The following ZNF487 variants were observed in gnomAD, a reference collection of about 807,000 sequenced individuals.
ZNF487 encodes zinc finger protein 487.
A neutral mutation model predicts 3.0 loss-of-function variants in ZNF487; 4 were observed. The observed-to-expected ratio is 1.35, with a 90% CI of 0.66 to 3.08. ZNF487 has a LOEUF of 3.08. Ranked by LOEUF, ZNF487 falls within the 30% of genes most tolerant of loss-of-function variation. The pLI is 0.01. For missense variants in ZNF487, 146 were observed against 98.7 expected (o/e 1.48, Z -2.03); for synonymous variants, 55 against 34.6 (o/e 1.59, Z -2.06).
In ZNF487 at chr10:43,451,609, A is replaced by G. The variant is rs184840806; in HGVS notation, c.-94+14347A>G. Among the ~76,000 whole-genome samples the G allele has an allele frequency of 2.5e-3, 376 of 151,328 alleles. 1 individual carries two copies. Among genetic ancestry groups the G allele is most frequent in the Non-Finnish European group, 4.0e-3 (270 of 67,922 alleles). On this transcript the variant is annotated intron_variant, in intron 1 of 3. Coordinates refer to ENST00000437590, the MANE Select transcript of ZNF487 (RefSeq NM_001355444.3). ...AGATGGAGTTTTGCTCTTGTTGCCC[A>G]GGCTGGAGTGCAATGGCGTGATCTC...
At chr10:43,443,579 G>T (rs1272042693) in intron 1 of ZNF487, among the ~76,000 whole-genome samples, 1 of 142,446 alleles carries the variant, frequency 7.0e-6, no homozygotes, top group Non-Finnish European at 1.5e-5. Context: ...TCACCATGTT[G>T]GCCAGGCTGG....
chr10:43,464,663 AT>A (rs1840592044), intron 1 of ZNF487, among the ~76,000 whole-genome samples: 1 of 152,208 alleles, frequency 6.6e-6, no homozygotes, highest in Non-Finnish European at 1.5e-5. Context: ...GACACAGCAC[AT>A]GTTTCAGAGA....
At chr10:43,479,984 CTTCT>C (rs71533064) in intron 3 of ZNF487, among the ~76,000 whole-genome samples, 957 of 57,808 alleles carry the variant, frequency 0.017, 9 homozygotes, top group Middle Eastern at 0.05. Context: ...TCTTTCTTTC[CTTCT>C]TTCTTTCTTT....
intron 1 of ZNF487, among the ~76,000 whole-genome samples, chr10:43,469,374 A>G (rs1840822523): frequency 6.6e-6 from 1 of 151,914 alleles, no homozygotes; most frequent in African/African-American, 2.4e-5. Context: ...TTGTATTTTT[A>G]TAGAGACGGG....
chr10:43,455,292 TGA>T (rs1412176083), intron 1 of ZNF487, among the ~76,000 whole-genome samples: 2 of 152,288 alleles, frequency 1.3e-5, no homozygotes, highest in East Asian at 3.9e-4. Context: ...TTTACAGGCG[TGA>T]GCCACGGCGC....
At chr10:43,489,228 A>T in the ZNF487 span, among the ~76,000 whole-genome samples, 10,957 of 152,202 alleles carry the variant, frequency 0.072, 547 homozygotes, top group East Asian at 0.2. Context: ...AGGAAGGAGG[A>T]TTGCTTGAGG....
chr10:43,498,115 T>TA, the ZNF487 span, among the ~76,000 whole-genome samples: 1 of 8,176 alleles, frequency 1.2e-4, no homozygotes, highest in Non-Finnish European at 2.1e-4. Flanking sequence ...TTTTTTTTTC[T>TA]TTTTTTTTTT....
At chr10:43,447,746 G>A (rs952316634) in intron 1 of ZNF487, among the ~76,000 whole-genome samples, 4 of 152,140 alleles carry the variant, frequency 2.6e-5, no homozygotes, top group African/African-American at 9.7e-5. Flanking sequence ...TCTCCATGCA[G>A]CTCTTTCTTC....
chr10:43,447,201 C>T (rs1439075536), intron 1 of ZNF487, among the ~76,000 whole-genome samples: 6 of 151,068 alleles, frequency 4.0e-5, no homozygotes, highest in Non-Finnish European at 8.8e-5. Context: ...AGGGGGAGAC[C>T]GTGGAAAGCG....
At chr10:43,442,238 A>AAACAAC (rs750766065) in intron 1 of ZNF487, among the ~76,000 whole-genome samples, 32 of 148,908 alleles carry the variant, frequency 2.1e-4, no homozygotes, top group Admixed American at 1.3e-3. Context: ...CCTGTCTCTA[A>AAACAAC]AACAACAACA....
chr10:43,512,208 T>C, the ZNF487 span, among the ~76,000 whole-genome samples: 2 of 152,220 alleles, frequency 1.3e-5, no homozygotes, highest in Non-Finnish European at 2.9e-5. Flanking sequence ...TCTTTTCCTC[T>C]GTTCACTGAT....
rs140713998 is a variant in ZNF487, at chr10:43,465,050, A to ACC, written c.-93-10664_-93-10663dup. ...GGGCGGCTGGCCGGGCGGGGGGCTG[A>ACC]CCCCCCCCACCTCCCTCCCGGGGCG... On this transcript the variant is annotated intron_variant, in intron 1 of 3. Transcript: ENST00000437590. Among the ~76,000 whole-genome samples, 108 of 113,288 alleles carry ACC rather than the reference A, an allele frequency of 9.5e-4. 1 individual carries two copies. Among genetic ancestry groups the ACC allele is most frequent in the African/African-American group, 1.5e-3 (37 of 25,068 alleles). 74.3% of individuals were successfully genotyped at this position (113,288 alleles called of 152,430 possible). A position where few individuals can be genotyped will look rare whatever the true frequency, so the allele number is the denominator to read the frequency against.
intron 1 of ZNF487, among the ~76,000 whole-genome samples, chr10:43,441,045 T>TTTTTTTTTTC (rs1839586944): frequency 2.6e-5 from 3 of 115,872 alleles, no homozygotes; most frequent in Non-Finnish European, 3.6e-5. Flanking sequence ...TTTTTTTTTT[T>TTTTTTTTTTC]TTTTTTTTTT....
chr10:43,443,443 G>A (rs1250127459), intron 1 of ZNF487, among the ~76,000 whole-genome samples: 3 of 142,856 alleles, frequency 2.1e-5, no homozygotes, highest in African/African-American at 5.2e-5. Context: ...GAGCAATCAC[G>A]GCTCACTGAA....
chr10:43,458,463 G>C (rs925738140), intron 1 of ZNF487, among the ~76,000 whole-genome samples: 3 of 152,170 alleles, frequency 2.0e-5, no homozygotes, highest in Non-Finnish European at 4.4e-5. Context: ...ATTTATCTTA[G>C]TGAGCAGAGG....
At chr10:43,455,630 C>T (rs1385888221) in intron 1 of ZNF487, among the ~76,000 whole-genome samples, 4 of 152,216 alleles carry the variant, frequency 2.6e-5, no homozygotes, top group East Asian at 1.9e-4. Context: ...GTCCGTGGCG[C>T]GGCGCGCTTG....
At chr10:43,459,534 G>T (rs1217077767) in intron 1 of ZNF487, among the ~76,000 whole-genome samples, 4 of 151,832 alleles carry the variant, frequency 2.6e-5, no homozygotes, top group Non-Finnish European at 5.9e-5. Context: ...CTGGCCCTTG[G>T]TTTGCTGAGA....
chr10:43,484,290 G>A (rs1717880020), downstream of ZNF487, among the ~76,000 whole-genome samples: 1 of 152,026 alleles, frequency 6.6e-6, no homozygotes, highest in African/African-American at 2.4e-5. Flanking sequence ...ATTATTACAG[G>A]TCACTCCTTT....
intron 1 of ZNF487, among the ~76,000 whole-genome samples, chr10:43,441,143 C>A (rs944582457): frequency 6.2e-5 from 9 of 145,260 alleles, no homozygotes; most frequent in African/African-American, 2.3e-4. Flanking sequence ...TCCACCTCAG[C>A]CTCTCAAAGT....
Sources: allele counts gnomAD v4.1 joint callset (sites outside exome capture counted in the v4.1 genomes callset), GRCh38; gene constraint gnomAD v4.1.1; transcripts MANE v1.5; gene names NCBI Gene and HGNC (gene_info 2026-07-23, HGNC 2026-07-21).